DNAJB14: variants seen among roughly 807,000 people sequenced by gnomAD.
DNAJB14 encodes the protein dnaJ homolog subfamily B member 14.
A neutral mutation model predicts 48.4 loss-of-function variants in DNAJB14; 22 were observed. The ratio of observed to expected loss-of-function variants is 0.45; its 90% CI spans 0.32 to 0.65. The LOEUF is 0.65. Among genes scored for constraint, DNAJB14 ranks in the 30% least tolerant of loss-of-function variants. The pLI is 0.03. For synonymous variants in DNAJB14, 142 were observed against 158.7 expected (o/e 0.89, Z 0.79); for missense variants, 319 against 458.8 (o/e 0.70, Z 2.78).
At position 99,936,800 on chromosome 4, in the gene DNAJB14, G is replaced by A. The variant is rs111513703; in HGVS notation, c.134-6179C>T. Among the ~76,000 whole-genome samples, 9 of 152,216 alleles carry A rather than the reference G, an allele frequency of 5.9e-5. 1 individual carries two copies. The highest frequency in any genetic ancestry group is 1.9e-4 in the African/African-American group (8 of 41,538). On this transcript the variant is annotated intron_variant, in intron 1 of 7. Transcript: ENST00000442697. ...AATGATGATAATGACAGATTAAATC[G>A]GAAACCATGAATCTGTAACAGATAA...
intron 3 of DNAJB14, among the ~76,000 whole-genome samples, chr4:99,919,058 G>T (rs186828733): frequency 2.6e-4 from 40 of 152,244 alleles, no homozygotes; most frequent in Middle Eastern, 3.4e-3. Flanking sequence ...CAGAGGGGGT[G>T]GTAGTATAGG....
chr4:99,922,816 T>C (rs1726108783), intron 3 of DNAJB14: 1 of 409,976 alleles, frequency 2.4e-6, no homozygotes, highest in Admixed American at 4.2e-5. Context: ...GAAAAGTTAC[T>C]TGAGACTGTA....
chr4:99,906,877 T>A (rs1168854481), intron 4 of DNAJB14, among the ~76,000 whole-genome samples: 1 of 152,216 alleles, frequency 6.6e-6, no homozygotes, highest in Admixed American at 6.5e-5. Flanking sequence ...TAGAGGTTTT[T>A]ATAAACCTCT....
chr4:99,905,980 T>TC (rs1161020833), intron 5 of DNAJB14: 27 of 1,277,588 alleles, frequency 2.1e-5, no homozygotes, highest in Middle Eastern at 2.1e-4. Context: ...CCCGACTCCC[T>TC]CCCCCCCACA....
rs766336637 is a variant in DNAJB14, at chr4:99,901,021, T to C, written c.*7A>G. On this transcript the variant is annotated 3_prime_UTR_variant, in exon 8 of 8. Transcript: ENST00000442697. ...GTACGCTAAAAGGTATAAATAAAAATTCCAGTTCATCCTCCTTTATAAAGA... is the reference window on the plus strand; with the variant it reads ...GTACGCTAAAAGGTATAAATAAAAACTCCAGTTCATCCTCCTTTATAAAGA... 1.2e-6 allele frequency: 2 copies of C among 1,601,092 alleles called. No individual in the cohort carries two copies. The highest frequency in any genetic ancestry group is 8.5e-7 in the Non-Finnish European group (1 of 1,176,630).
chr4:99,942,114 AAAT>A (rs1726909414), intron 1 of DNAJB14: 2 of 152,188 alleles, frequency 1.3e-5, no homozygotes, highest in South Asian at 4.1e-4. Context: ...ATAAATTTTA[AAAT>A]AATGTAGCAA....
chr4:99,920,108 CTT>C lies in DNAJB14; in HGVS notation c.451+2930_451+2931del, dbSNP rs551492916. ...TTTGAAATAAGAATGACACTGGTCT[CTT>C]AACTATTTGATGAGATTTTTAAATA... On this transcript the variant is annotated intron_variant, in intron 3 of 7. Coordinates refer to ENST00000442697, the MANE Select transcript of DNAJB14 (RefSeq NM_001031723.4). Among the ~76,000 whole-genome samples the C allele has an allele frequency of 1.1e-3, 173 of 152,180 alleles. 1 individual carries two copies. Among genetic ancestry groups the C allele is most frequent in the African/African-American group, 4.1e-3 (171 of 41,526 alleles).
chr4:99,946,612 G>C lies in DNAJB14; in HGVS notation c.-41C>G. On this transcript the variant is annotated 5_prime_UTR_variant, in exon 1 of 8. Coordinates refer to ENST00000442697, the MANE Select transcript of DNAJB14 (RefSeq NM_001031723.4). ...CCGTTTCCTCCGGCAGCGCAGCTAA[G>C]AAGGGCGGAAGCCGCCGCCGCGGAG... 1 of 1,605,722 alleles carries C rather than the reference G, an allele frequency of 6.2e-7. No individual in the cohort carries two copies. Among genetic ancestry groups the C allele is most frequent in the Non-Finnish European group, 8.5e-7 (1 of 1,174,892 alleles).
chr4:99,938,011 A>T (rs1363990292), intron 1 of DNAJB14, among the ~76,000 whole-genome samples: 1 of 145,852 alleles, frequency 6.9e-6, no homozygotes, highest in Non-Finnish European at 1.5e-5. Flanking sequence ...TAATCCCAAC[A>T]CTTTGGGAGG....
At chr4:99,917,466 A>G (rs1159092359) in intron 3 of DNAJB14, among the ~76,000 whole-genome samples, 1 of 152,160 alleles carries the variant, frequency 6.6e-6, no homozygotes, top group Non-Finnish European at 1.5e-5. Flanking sequence ...TGTCTTCACA[A>G]GGTAGAATCC....
At chr4:99,930,760 C>T (rs920217022) in intron 1 of DNAJB14, 139 bp from the exon 2 acceptor site, 19 of 831,634 alleles carry the variant, frequency 2.3e-5, no homozygotes, top group Non-Finnish European at 2.7e-5. Context: ...AATTAGCACG[C>T]ATTCCCCTAA....
chr4:99,898,442 T>C lies in DNAJB14; in HGVS notation c.*2586A>G, dbSNP rs1261354665. The C allele has an allele frequency of 6.6e-6, 1 of 151,994 alleles. No individual in the cohort carries two copies. The highest frequency in any genetic ancestry group is 2.4e-5 in the African/African-American group (1 of 41,442). The allele number at this position is 151,994 out of a possible 1,614,324, so 9.4% of individuals were successfully genotyped here. On this transcript the variant is annotated 3_prime_UTR_variant, in exon 8 of 8. Transcript: ENST00000442697. ...TCAGTTCACATTTAATCAAACTACATTTCGAAATTTACAGATGACTAAATG... is the reference window on the plus strand; with the variant it reads ...TCAGTTCACATTTAATCAAACTACACTTCGAAATTTACAGATGACTAAATG...
chr4:99,909,766 T>C (rs1358437441), intron 3 of DNAJB14, among the ~76,000 whole-genome samples: 3 of 152,144 alleles, frequency 2.0e-5, no homozygotes, highest in Admixed American at 2.0e-4. Flanking sequence ...GCAAAGTTTT[T>C]ATATTATAAA....
At chr4:99,904,496 G>C (rs1725399192) in intron 6 of DNAJB14, among the ~76,000 whole-genome samples, 1 of 152,032 alleles carries the variant, frequency 6.6e-6, no homozygotes. Context: ...TGTGTGAATA[G>C]GGTATATATA....
chr4:99,933,545 G>A (rs1244836760), intron 1 of DNAJB14, among the ~76,000 whole-genome samples: 4 of 151,828 alleles, frequency 2.6e-5, no homozygotes, highest in Admixed American at 6.6e-5. Flanking sequence ...TGATCCACCC[G>A]CCTTGGCCTC....
chr4:99,903,933 T>C, intron 6 of DNAJB14, 35 bp from the exon 7 acceptor site: 1 of 1,588,478 alleles, frequency 6.3e-7, no homozygotes, highest in South Asian at 1.1e-5. Flanking sequence ...TTAATTAAAA[T>C]TGGACATTCC....
intron 5 of DNAJB14, chr4:99,906,028 C>A (rs1725454363): frequency 1.5e-6 from 2 of 1,311,428 alleles, no homozygotes; most frequent in Admixed American, 2.5e-5. Context: ...GCTGTAAAAC[C>A]ATTTTTTACC....
rs778697965 is a variant in DNAJB14 at position 99,906,578 on chromosome 4, C to T, written c.671G>A (p.Gly224Asp). 8 of 1,611,376 alleles carry T rather than the reference C, an allele frequency of 5.0e-6. No individual in the cohort carries two copies. The highest frequency in any genetic ancestry group is 5.9e-6 in the Non-Finnish European group (7 of 1,179,536). The change falls in exon 5 of 8, where the codon GGT becomes GAT. Residue 224 changes from glycine (G) to aspartate (D), a missense_variant. Transcript: ENST00000442697. ...SVHSFSNGRAGYSQQHQHRHS... is the reference protein window; with the variant it reads ...SVHSFSNGRADYSQQHQHRHS... ...TCGATGCTGATGTTGTTGGCTATAA[C>T]CAGCTCTTCCATTTGAAAAAGAATG...
intron 7 of DNAJB14, 29 bp from the exon 8 acceptor site, chr4:99,901,181 T>C: frequency 6.4e-7 from 1 of 1,561,110 alleles, no homozygotes; most frequent in Non-Finnish European, 8.6e-7. Context: ...ATTTTGCTAA[T>C]TGAATAAAAT....
Sources: gnomAD v4.1 joint callset for allele counts (sites outside exome capture counted in the v4.1 genomes callset) on GRCh38, gnomAD v4.1.1 for gene constraint, MANE v1.5 for transcripts, NCBI Gene and HGNC (gene_info 2026-07-23, HGNC 2026-07-21) for gene names.